The following SGK2 variants were observed in gnomAD, a reference collection of about 807,000 sequenced individuals.
SGK2 encodes the protein serum/glucocorticoid regulated kinase 2, also known as serine/threonine-protein kinase Sgk2.
SGK2 carries 36 observed loss-of-function variants against 47.5 expected under a neutral mutation model. The observed-to-expected ratio is 0.76, with a 90% CI of 0.58 to 1.00. SGK2 has a LOEUF of 1.00. SGK2 is among the 50% of genes least tolerant of loss of function. The pLI is 0.00. For missense variants in SGK2, 404 were observed against 467.4 expected, an observed-to-expected ratio of 0.86 and a Z score of 1.25; for synonymous variants, 157 against 181.9, an observed-to-expected ratio of 0.86 and a Z score of 1.10.
rs772931333 is a variant in SGK2, at chr20:43,574,896, T to C, written c.598-13T>C. Reference sequence around the variant, plus strand: ...AACGACTTATTTCAAATAAGTGTGTTTCCTTCTAACAGTACTTGGCACCTG... The same window carrying C: ...AACGACTTATTTCAAATAAGTGTGTCTCCTTCTAACAGTACTTGGCACCTG... On this transcript the variant is annotated splice_polypyrimidine_tract_variant and intron_variant, in intron 9 of 12. Transcript: ENST00000373100. The C allele has an allele frequency of 2.0e-5, 32 of 1,606,360 alleles. No individual in the cohort carries two copies. The highest frequency in any genetic ancestry group is 2.6e-5 in the Non-Finnish European group (30 of 1,173,394).
chr20:43,569,252 G>T (rs62224803), intron 5 of SGK2, 133 bp from the exon 6 acceptor site: 52,984 of 1,132,698 alleles, frequency 0.047, 1,462 homozygotes, highest in African/African-American at 0.098. Context: ...GGGAGCCATT[G>T]TGGGTGTTTG....
chr20:43,569,786 C>T (rs1979985319), intron 6 of SGK2: 5 of 424,912 alleles, frequency 1.2e-5, no homozygotes, highest in Admixed American at 3.6e-5. Flanking sequence ...TGCCCATAGA[C>T]GCACTTTGAT....
intron 9 of SGK2, 113 bp from the exon 10 acceptor site, chr20:43,574,796 G>A: frequency 2.9e-6 from 2 of 678,222 alleles, no homozygotes; most frequent in South Asian, 3.3e-5. Flanking sequence ...CAGCCACAGA[G>A]CACACGTACA....
intron 2 of SGK2, 45 bp from the exon 3 acceptor site, chr20:43,567,023 G>A (rs375815316): frequency 2.0e-6 from 3 of 1,533,860 alleles, no homozygotes; most frequent in Non-Finnish European, 2.7e-6. Context: ...AAGGGAGGTA[G>A]CCAAGGAGTA....
At chr20:43,583,267 G>C in intron 12 of SGK2, 1 of 1,289,724 alleles carries the variant, frequency 7.8e-7, no homozygotes, top group Non-Finnish European at 1.0e-6. Context: ...CTTATACCCT[G>C]GAGAGAGAAC....
chr20:43,561,470 A>C (rs1412727741), intron 1 of SGK2, among the ~76,000 whole-genome samples: 1 of 148,522 alleles, frequency 6.7e-6, no homozygotes, highest in Non-Finnish European at 1.5e-5. Context: ...GCTCACTGCA[A>C]CCTCTGCCTC....
chr20:43,571,408 CT>C lies in SGK2; in HGVS notation c.510+352del, dbSNP rs201316214. 2.1e-3 allele frequency among the ~76,000 whole-genome samples: 323 copies of C among 152,244 alleles called. 12 individuals are homozygous for C. In the East Asian group the frequency reaches 0.053, roughly 25 times the overall value. Reference sequence around the variant, plus strand: ...TGGGGAACATTCTCAAGAGATAACACTTTTAAAGGGGTAAAAAAACAGGATT... The same window carrying C: ...TGGGGAACATTCTCAAGAGATAACACTTTAAAGGGGTAAAAAAACAGGATT... On this transcript the variant is annotated intron_variant, in intron 8 of 12. Transcript: ENST00000373100.
At chr20:43,576,154 C>T (rs1342905538) in intron 10 of SGK2, 70 bp from the exon 11 acceptor site, 41 of 1,574,826 alleles carry the variant, frequency 2.6e-5, no homozygotes, top group Non-Finnish European at 3.5e-5. Flanking sequence ...GCCCACCTTG[C>T]TCCAAGTCTC....
At chr20:43,570,221 G>C (rs984704864) in intron 6 of SGK2, among the ~76,000 whole-genome samples, 5 of 152,174 alleles carry the variant, frequency 3.3e-5, no homozygotes, top group African/African-American at 1.2e-4. Context: ...GAACCACGCA[G>C]GTTCAAATGC....
Position 43,585,151 on chromosome 20 carries a change from AAAT to A in SGK2, c.*139_*141del. On this transcript the variant is annotated 3_prime_UTR_variant, in exon 13 of 13. Transcript: ENST00000373100. ...TTATTTTTTCCAGCACATAAAAGAA[AAAT>A]AATGTTTCGGAGTCCAGGACTGGCA... 1.2e-6 allele frequency: 1 copy of A among 847,200 alleles called. No homozygotes were observed. 52.5% of individuals were successfully genotyped at this position (847,200 alleles called of 1,614,324 possible). A position where few individuals can be genotyped will look rare whatever the true frequency, so the allele number is the denominator to read the frequency against.
chr20:43,568,045 C>T (rs371040389), intron 5 of SGK2, 46 bp downstream of exon 5: 183 of 1,539,678 alleles, frequency 1.2e-4, no homozygotes, highest in Middle Eastern at 1.7e-4. Context: ...CTTCTCAAGC[C>T]GCAGCCTAGG....
Position 43,570,585 on chromosome 20 carries a change from A to G in SGK2, c.361-32A>G, listed in dbSNP as rs922874620. ...ACCCTAGCCCTACAGCAGCCACCCA[A>G]TAACTCCTGTCACACTCCTCCTCCC... On this transcript the variant is annotated intron_variant, in intron 6 of 12. Transcript: ENST00000373100. 4.0e-6 allele frequency: 6 copies of G among 1,495,884 alleles called. No homozygotes were observed. In the African/African-American group the frequency reaches 4.1e-5, roughly 10 times the overall value. The allele number at this position is 1,495,884 out of a possible 1,614,324, so 92.7% of individuals were successfully genotyped here.
chr20:43,562,533 G>A (rs887656858), intron 1 of SGK2, among the ~76,000 whole-genome samples: 6 of 151,746 alleles, frequency 4.0e-5, no homozygotes, highest in African/African-American at 1.5e-4. Context: ...ATGAGGTCAG[G>A]AGTTCGAGAC....
chr20:43,560,929 C>T (rs1176386092), intron 1 of SGK2, among the ~76,000 whole-genome samples: 1 of 152,110 alleles, frequency 6.6e-6, no homozygotes, highest in African/African-American at 2.4e-5. Context: ...AAAATAAAAA[C>T]TAATAAATAC....
intron 1 of SGK2, 198 bp from the exon 2 acceptor site, chr20:43,566,275 A>G: frequency 6.8e-7 from 1 of 1,467,038 alleles, no homozygotes. Context: ...GATGTTTGTT[A>G]GGAAGTCTGG....
chr20:43,584,780 C>G (rs1980999640), intron 12 of SGK2, 72 bp from the exon 13 acceptor site: 2 of 1,279,486 alleles, frequency 1.6e-6, no homozygotes, highest in Non-Finnish European at 1.1e-6. Context: ...TGACATCCCT[C>G]TCTGAGGATC....
chr20:43,578,431 TGA>T (rs1292919911), intron 11 of SGK2, among the ~76,000 whole-genome samples: 1 of 151,880 alleles, frequency 6.6e-6, no homozygotes, highest in Admixed American at 6.6e-5. Flanking sequence ...GAGGTTGCAG[TGA>T]GCTGAGATGG....
In SGK2 at chr20:43,581,275, A is replaced by AAACTATGTTTTTTTGGCTAAAAACTAT. The variant is rs1980781504; in HGVS notation, c.939+1223_939+1224insTTTTTGGCTAAAAACTATAACTATGTT. 2.6e-5 allele frequency among the ~76,000 whole-genome samples: 4 copies of AAACTATGTTTTTTTGGCTAAAAACTAT among 152,100 alleles called. No individual in the cohort carries two copies. In the South Asian group the frequency reaches 8.3e-4, roughly 32 times the overall value. On this transcript the variant is annotated intron_variant, in intron 12 of 12. Transcript: ENST00000373100. ...ATTATCTTCCTCCTTTTTTGGCTAA[A>AAACTATGTTTTTTTGGCTAAAAACTAT]AACTATGTTATAATTTCCTCATGTC...
In SGK2 at chr20:43,576,388, C is replaced by A; in HGVS notation, c.849+9C>A. ...GCTCCAAAGCAGACTTTGTAGGTGA[C>A]CTACCAGTGGAGCACTGGCCCCCAT... On this transcript the variant is annotated intron_variant, in intron 11 of 12. Coordinates refer to ENST00000373100, the MANE Select transcript of SGK2 (RefSeq NM_170693.3). The A allele has an allele frequency of 6.2e-7, 1 of 1,612,904 alleles. No individual in the cohort carries two copies. The highest frequency in any genetic ancestry group is 8.5e-7 in the Non-Finnish European group (1 of 1,179,292).
Sources: allele counts gnomAD v4.1 joint callset (sites outside exome capture counted in the v4.1 genomes callset), GRCh38; gene constraint gnomAD v4.1.1; transcripts MANE v1.5; gene names NCBI Gene and HGNC (gene_info 2026-07-23, HGNC 2026-07-21).